Variants in MAST2 observed in about 807,000 individuals in gnomAD.
MAST2 encodes the protein microtubule-associated serine/threonine-protein kinase 2.
MAST2 carries 70 observed loss-of-function variants against 147.4 expected under a neutral mutation model. The observed-to-expected ratio is 0.47, with a 90% CI of 0.39 to 0.58. MAST2 has a LOEUF of 0.58. Among genes scored for constraint, MAST2 ranks in the 20% least tolerant of loss-of-function variants. MAST2 has a pLI of 0.00. For synonymous variants in MAST2, 869 were observed against 896.8 expected (o/e 0.97, Z 0.55); for missense variants, 2,080 against 2,302.3 (o/e 0.90, Z 1.98).
intron 5 of MAST2, among the ~76,000 whole-genome samples, chr1:45,986,947 G>C (rs1192721471): frequency 6.6e-6 from 1 of 152,096 alleles, no homozygotes; most frequent in South Asian, 2.1e-4. Context: ...GTGTAGAATT[G>C]TTACTACTTC....
intron 17 of MAST2, 33 bp from the exon 18 acceptor site, chr1:46,028,735 G>C: frequency 6.2e-7 from 1 of 1,612,746 alleles, no homozygotes. Context: ...GCAGCCTCAG[G>C]AGGCTGAGCC....
At chr1:45,809,379 C>T (rs1015435175) in intron 1 of MAST2, among the ~76,000 whole-genome samples, 1 of 152,214 alleles carries the variant, frequency 6.6e-6, no homozygotes, top group African/African-American at 2.4e-5. Flanking sequence ...TGTGGTGGCT[C>T]ATACTTGTAA....
intron 1 of MAST2, among the ~76,000 whole-genome samples, chr1:45,817,495 A>G (rs1452835534): frequency 6.6e-6 from 1 of 152,232 alleles, no homozygotes; most frequent in Non-Finnish European, 1.5e-5. Flanking sequence ...TTCTTCAAAC[A>G]TGAAGGAGAA....
intron 5 of MAST2, among the ~76,000 whole-genome samples, chr1:45,979,432 T>TG (rs1462373222): frequency 2.6e-4 from 22 of 83,774 alleles, no homozygotes; most frequent in South Asian, 4.2e-4. Flanking sequence ...ATTTTTTGTT[T>TG]TTTTTTTTTT....
intron 5 of MAST2, among the ~76,000 whole-genome samples, chr1:45,991,073 T>G (rs1644838059): frequency 6.6e-6 from 1 of 152,210 alleles, no homozygotes; most frequent in Non-Finnish European, 1.5e-5. Context: ...TTAATTTTTG[T>G]AAAAGGTTGT....
intron 5 of MAST2, among the ~76,000 whole-genome samples, chr1:45,971,785 T>C (rs1643922398): frequency 6.6e-6 from 1 of 152,224 alleles, no homozygotes; most frequent in African/African-American, 2.4e-5. Flanking sequence ...TACAGAAACA[T>C]CCTTCTTCAT....
intron 1 of MAST2, among the ~76,000 whole-genome samples, chr1:45,808,728 C>T (rs933585025): frequency 6.6e-5 from 10 of 152,118 alleles, no homozygotes; most frequent in African/African-American, 2.4e-4. Context: ...GTTCTATTAA[C>T]AAAAGATTGG....
At chr1:45,825,563 G>C (rs1158091489) in intron 2 of MAST2, among the ~76,000 whole-genome samples, 1 of 151,602 alleles carries the variant, frequency 6.6e-6, no homozygotes, top group Non-Finnish European at 1.5e-5. Flanking sequence ...CTCCTGAGTA[G>C]CTGGGATCAC....
intron 5 of MAST2, among the ~76,000 whole-genome samples, chr1:45,980,742 C>T (rs1557998782): frequency 6.6e-6 from 1 of 152,128 alleles, no homozygotes; most frequent in Non-Finnish European, 1.5e-5. Context: ...CACTGTGTTC[C>T]CCAGGCTGGC....
intron 1 of MAST2, among the ~76,000 whole-genome samples, chr1:45,822,064 T>A (rs548359631): frequency 9.9e-5 from 15 of 151,744 alleles, no homozygotes; most frequent in African/African-American, 3.6e-4. Flanking sequence ...AATTTTTGTA[T>A]TTTTAGTAGA....
At chr1:45,983,840 A>C (rs144294566) in intron 5 of MAST2, among the ~76,000 whole-genome samples, 2 of 152,320 alleles carry the variant, frequency 1.3e-5, no homozygotes, top group African/African-American at 4.8e-5. Flanking sequence ...TATACTCCCT[A>C]GGAGATTTGG....
At chr1:45,966,893 G>T (rs1438369189) in intron 5 of MAST2, among the ~76,000 whole-genome samples, 48 of 143,890 alleles carry the variant, frequency 3.3e-4, no homozygotes, top group African/African-American at 6.8e-4. Flanking sequence ...TTAAGGCAGG[G>T]TCTCACGCCA....
intron 7 of MAST2, 90 bp from the exon 8 acceptor site, chr1:46,006,151 G>C (rs1645477643): frequency 1.5e-6 from 2 of 1,310,896 alleles, no homozygotes; most frequent in Admixed American, 4.1e-5. Context: ...TAGTGACTGG[G>C]AAGTTCCCTG....
chr1:45,959,423 T>C lies in MAST2; in HGVS notation c.538T>C (p.Ser180Pro), dbSNP rs1204788784. The part of the protein sequence containing the change: ...TSNRKSLIVT[S>P]STSPTLPRPH... Reference sequence around the variant, plus strand: ...TAACCGCAAGAGCTTGATTGTGACCTCTAGCACATCACCTACACTACCACG... The same window carrying C: ...TAACCGCAAGAGCTTGATTGTGACCCCTAGCACATCACCTACACTACCACG... The change falls in exon 5 of 29, where the codon TCT (serine) becomes CCT (proline). Residue 180 changes from serine to proline, a missense_variant. Ser to Pro is a moderately conservative substitution (Grantham distance 74, BLOSUM62 -1). Around this residue, in one of 4 missense-constraint regions of MAST2, gnomAD observed 569 missense variants for 642.5 expected, o/e 0.89. Transcript: ENST00000361297. 1 of 1,613,714 alleles carries C rather than the reference T, an allele frequency of 6.2e-7. No homozygotes were observed. The highest frequency in any genetic ancestry group is 8.5e-7 in the Non-Finnish European group (1 of 1,179,840).
At chr1:45,836,597 C>G (rs912206471) in intron 3 of MAST2, among the ~76,000 whole-genome samples, 8 of 152,162 alleles carry the variant, frequency 5.3e-5, no homozygotes, top group African/African-American at 1.9e-4. Context: ...AAATTCAGCA[C>G]TTCCCCTTTC....
intron 5 of MAST2, among the ~76,000 whole-genome samples, chr1:45,996,753 G>A (rs1314615701): frequency 6.6e-6 from 1 of 152,112 alleles, no homozygotes; most frequent in Non-Finnish European, 1.5e-5. Flanking sequence ...TGCTATATAA[G>A]CCCTATTGGA....
At chr1:45,893,418 C>T (rs955768514) in intron 4 of MAST2, among the ~76,000 whole-genome samples, 1 of 151,274 alleles carries the variant, frequency 6.6e-6, no homozygotes, top group African/African-American at 2.4e-5. Context: ...TTGCAGGGGG[C>T]GGGGTAGAGA....
chr1:46,021,289 C>G (rs1646169589), intron 11 of MAST2, among the ~76,000 whole-genome samples: 1 of 152,194 alleles, frequency 6.6e-6, no homozygotes, highest in Non-Finnish European at 1.5e-5. Context: ...AAGTCCTTGG[C>G]TAAGCAGGGG....
chr1:45,985,532 T>C (rs1644579675), intron 5 of MAST2, among the ~76,000 whole-genome samples: 1 of 152,348 alleles, frequency 6.6e-6, no homozygotes, highest in South Asian at 2.1e-4. Flanking sequence ...TTGTCACTCA[T>C]AGATTACTTT....
Sources: gnomAD v4.1 joint callset for allele counts (sites outside exome capture counted in the v4.1 genomes callset) on GRCh38, gnomAD v4.1.1 for gene constraint, gnomAD v4.1.1 regional missense constraint, MANE v1.5 for transcripts, NCBI Gene and HGNC (gene_info 2026-07-23, HGNC 2026-07-21) for gene names.